Variants in FRMPD4 observed in about 807,000 individuals in gnomAD.
FRMPD4 encodes FERM and PDZ domain containing 4, also known as FERM and PDZ domain-containing protein 4.
Under a neutral mutation model 94.1 loss-of-function variants are expected in FRMPD4, and 22 were observed. The observed-to-expected ratio is 0.23, with a 90% CI of 0.17 to 0.33. FRMPD4 has a LOEUF of 0.33. Among genes scored for constraint, FRMPD4 ranks in the 10% least tolerant of loss-of-function variants. FRMPD4 has a pLI of 1.00. For synonymous variants in FRMPD4, 631 were observed against 548.6 expected (o/e 1.15, Z -2.10); for missense variants, 1,111 against 1,339.9 (o/e 0.83, Z 2.67).
intron 1 of FRMPD4, among the ~76,000 whole-genome samples, chrX:12,168,551 G>A (rs2056163098): frequency 9.3e-6 from 1 of 107,485 alleles, no homozygotes; most frequent in Admixed American, 1.0e-4. Context: ...TAGATAATAA[G>A]TTAGTTTAAG....
chrX:12,714,608 A>G (rs2042045137), intron 14 of FRMPD4, among the ~76,000 whole-genome samples: 1 of 111,719 alleles, frequency 9.0e-6, no homozygotes, highest in Non-Finnish European at 1.9e-5. Flanking sequence ...TAAGTTGAGT[A>G]GTTGCTCAAT....
chrX:12,206,763 C>T (rs973346113), intron 1 of FRMPD4, among the ~76,000 whole-genome samples: 4 of 111,857 alleles, frequency 3.6e-5, no homozygotes. Flanking sequence ...AATGTTGACC[C>T]TGGGTGCATT....
At chrX:12,541,675 G>T (rs1289237660) in intron 2 of FRMPD4, among the ~76,000 whole-genome samples, 10 of 111,925 alleles carry the variant, frequency 8.9e-5, no homozygotes, top group African/African-American at 3.2e-4. Context: ...GAAGGAGCTG[G>T]TACCATTCCT....
chrX:12,491,477 G>A (rs966161958), intron 1 of FRMPD4, among the ~76,000 whole-genome samples: 4 of 111,528 alleles, frequency 3.6e-5, no homozygotes, highest in African/African-American at 6.5e-5. Context: ...CTACAACTTT[G>A]GTTTAATGTC....
At chrX:12,384,592 C>T (rs2056372187) in intron 1 of FRMPD4, among the ~76,000 whole-genome samples, 1 of 111,790 alleles carries the variant, frequency 8.9e-6, no homozygotes, top group African/African-American at 3.2e-5. Context: ...TGGCAGACCG[C>T]TGTATCCCTG....
At chrX:12,032,557 A>C (rs143665836) in intron 3 of FRMPD4, among the ~76,000 whole-genome samples, 219 of 112,089 alleles carry the variant, frequency 2.0e-3, no homozygotes, top group African/African-American at 6.9e-3. Flanking sequence ...CAAGAGAGGA[A>C]ATTTTAAATT....
intron 3 of FRMPD4, among the ~76,000 whole-genome samples, chrX:12,110,133 C>T (rs889524266): frequency 3.6e-5 from 4 of 112,271 alleles, no homozygotes; most frequent in East Asian, 2.8e-4. Flanking sequence ...GAATTTTAGA[C>T]TGATATCCCT....
At chrX:12,465,116 T>C (rs1420601611) in intron 1 of FRMPD4, among the ~76,000 whole-genome samples, 1 of 111,616 alleles carries the variant, frequency 9.0e-6, no homozygotes, top group Non-Finnish European at 1.9e-5. Flanking sequence ...CAGCATTTTT[T>C]TTCAAGTGAT....
At chrX:12,084,621 A>G (rs1217513522) in intron 3 of FRMPD4, among the ~76,000 whole-genome samples, 1 of 112,308 alleles carries the variant, frequency 8.9e-6, no homozygotes, top group Non-Finnish European at 1.9e-5. Context: ...ATTTTCCAAC[A>G]TAGTAGGACA....
chrX:12,479,494 A>G (rs913557023), intron 1 of FRMPD4, among the ~76,000 whole-genome samples: 12 of 101,738 alleles, frequency 1.2e-4, no homozygotes, highest in South Asian at 4.2e-4. Context: ...ATATATACGT[A>G]TATATTATAT....
intron 3 of FRMPD4, among the ~76,000 whole-genome samples, chrX:11,957,432 G>A (rs1015314545): frequency 2.7e-5 from 3 of 111,416 alleles, no homozygotes; most frequent in Admixed American, 1.9e-4. Context: ...AGGTGTGGTG[G>A]CATATGCCTA....
chrX:12,685,646 TG>T (rs1403634178), intron 6 of FRMPD4, among the ~76,000 whole-genome samples: 1 of 111,973 alleles, frequency 8.9e-6, no homozygotes, highest in African/African-American at 3.2e-5. Context: ...CATTCCTAAC[TG>T]GGTGAAAATA....
At chrX:12,071,752 C>A (rs1303200610) in intron 3 of FRMPD4, among the ~76,000 whole-genome samples, 2 of 111,453 alleles carry the variant, frequency 1.8e-5, no homozygotes, top group African/African-American at 6.5e-5. Flanking sequence ...CTTGCCCTTT[C>A]TCTGCTTTTA....
intron 1 of FRMPD4, among the ~76,000 whole-genome samples, chrX:12,405,583 C>T (rs1473131601): frequency 2.7e-5 from 3 of 111,095 alleles, no homozygotes; most frequent in African/African-American, 9.8e-5. Flanking sequence ...CATCTCTGGC[C>T]AAATTTCTGC....
At chrX:12,403,140 C>T (rs2056627154) in intron 1 of FRMPD4, among the ~76,000 whole-genome samples, 1 of 111,126 alleles carries the variant, frequency 9.0e-6, no homozygotes, top group Non-Finnish European at 1.9e-5. Context: ...TCGTGTCATG[C>T]CACTACTTAT....
At chrX:11,854,193 T>C (rs2053641345) in intron 1 of FRMPD4, among the ~76,000 whole-genome samples, 2 of 110,967 alleles carry the variant, frequency 1.8e-5, no homozygotes, top group African/African-American at 6.6e-5. Flanking sequence ...TAACTCCCTA[T>C]CATGAGAAAG....
intron 1 of FRMPD4, among the ~76,000 whole-genome samples, chrX:12,248,925 G>A (rs1209392067): frequency 2.7e-5 from 3 of 112,355 alleles, no homozygotes; most frequent in Non-Finnish European, 5.6e-5. Context: ...TGTAATCCCA[G>A]CTACTCCGGA....
chrX:12,665,221 T>C (rs1921932223), intron 4 of FRMPD4, among the ~76,000 whole-genome samples: 4 of 111,385 alleles, frequency 3.6e-5, no homozygotes, highest in Admixed American at 1.9e-4. Flanking sequence ...AGCAGGTGGA[T>C]CACAAGGTTA....
chrX:11,988,163 A>G (rs2054443289), intron 3 of FRMPD4, among the ~76,000 whole-genome samples: 1 of 111,772 alleles, frequency 8.9e-6, no homozygotes, highest in African/African-American at 3.2e-5. Context: ...AAAATAAAGG[A>G]ATCACATTAC....
Sources: gnomAD v4.1 joint callset for allele counts (sites outside exome capture counted in the v4.1 genomes callset) on GRCh38, gnomAD v4.1.1 for gene constraint, MANE v1.5 for transcripts, NCBI Gene and HGNC (gene_info 2026-07-23, HGNC 2026-07-21) for gene names.